The following CASK variants were observed in gnomAD, a reference collection of about 807,000 sequenced individuals.
CASK encodes peripheral plasma membrane protein CASK.
Under a neutral mutation model 82.9 loss-of-function variants are expected in CASK, and 4 were observed. That is an observed-to-expected ratio of 0.05 (90% confidence interval 0.02 to 0.11). CASK has a LOEUF of 0.11. Among genes scored for constraint, CASK ranks in the 10% least tolerant of loss-of-function variants. The probability of loss-of-function intolerance (pLI) is 1.00; values close to 1 mark genes in which losing one functional copy is unlikely to be tolerated. For missense variants in CASK, 358 were observed against 720.9 expected (o/e 0.50, Z 5.76); for synonymous variants, 259 against 253.5 (o/e 1.02, Z -0.20).
At chrX:41,573,744 T>C (rs1009885931) in intron 15 of CASK, among the ~76,000 whole-genome samples, 1 of 112,061 alleles carries the variant, frequency 8.9e-6, no homozygotes, top group Non-Finnish European at 1.9e-5. Flanking sequence ...ACATTGTGAA[T>C]TTGTTGCATA....
chrX:41,618,952 G>A (rs1276376310), intron 11 of CASK, among the ~76,000 whole-genome samples: 3 of 105,055 alleles, frequency 2.9e-5, no homozygotes, highest in Admixed American at 1.1e-4. Context: ...TCAGCCTCCC[G>A]AGTAGCTGGG....
chrX:41,744,338 T>C (rs1348096620), intron 4 of CASK, among the ~76,000 whole-genome samples: 1 of 109,337 alleles, frequency 9.1e-6, no homozygotes, highest in Non-Finnish European at 1.9e-5. Context: ...TGATTTTTCA[T>C]ATTTACTTCT....
rs190020806 is a variant in CASK, at chrX:41,672,886, C to T, written c.430-1356G>A. Among the ~76,000 whole-genome samples the T allele has an allele frequency of 1.2e-3, 135 of 112,131 alleles. 1 individual carries two copies. Among genetic ancestry groups the T allele is most frequent in the Middle Eastern group, 4.6e-3 (1 of 219 alleles). Reference sequence around the variant, plus strand: ...TATGGGAGAGCAGGCAAACCTCTACCGAAATCAACTGATAGACTGCTGTTA... The same window carrying T: ...TATGGGAGAGCAGGCAAACCTCTACTGAAATCAACTGATAGACTGCTGTTA... On this transcript the variant is annotated intron_variant, in intron 5 of 26. Coordinates refer to ENST00000378163, the MANE Select transcript of CASK (RefSeq NM_001367721.1).
chrX:41,727,043 C>A, intron 5 of CASK: 2 of 1,144,670 alleles, frequency 1.7e-6, no homozygotes, highest in Non-Finnish European at 2.4e-6. Flanking sequence ...AACAATACAA[C>A]ATGTATTCAA....
In CASK at chrX:41,660,690, A is replaced by G; in HGVS notation, c.709-129T>C. The G allele has an allele frequency of 7.6e-6, 5 of 657,983 alleles. No homozygotes were observed. In the South Asian group the frequency reaches 1.2e-4, roughly 16 times the overall value. 54.2% of individuals were successfully genotyped at this position (657,983 alleles called of 1,213,427 possible). ...GAGCAAAGAACAGAAATTTGATTCT[A>G]AAGGCTTGCATTCTAAGAAAAGGAC... On this transcript the variant is annotated intron_variant, in intron 7 of 26. Transcript: ENST00000378163.
chrX:41,743,833 G>C, intron 4 of CASK: 1 of 283,397 alleles, frequency 3.5e-6, no homozygotes, highest in South Asian at 2.3e-4. Flanking sequence ...GCTAGGAACA[G>C]TAGGTAGTTC....
rs377259353 is a variant in CASK at position 41,563,666 on chromosome X, T to G, written c.1583-2022A>C. The stretch of plus-strand genomic sequence containing the variant: ...AGATGAGAGAATACTATGAAGAAGC[T>G]CTCTGCAATATTTTAAAACTTATTT... On this transcript the variant is annotated intron_variant, in intron 16 of 26. Transcript: ENST00000378163. Among the ~76,000 whole-genome samples the G allele has an allele frequency of 9.1e-5, 10 of 110,284 alleles. No homozygotes were observed. In the East Asian group the frequency reaches 2.5e-3, roughly 28 times the overall value.
intron 3 of CASK, among the ~76,000 whole-genome samples, chrX:41,782,979 T>C (rs1215980736): frequency 9.0e-6 from 1 of 110,632 alleles, no homozygotes; most frequent in Non-Finnish European, 1.9e-5. Context: ...ACACCGTCTC[T>C]TCAAAAAATA....
At position 41,587,007 on chromosome X, in the gene CASK, T is replaced by A. The variant is rs377163161; in HGVS notation, c.1234-20A>T. The A allele has an allele frequency of 5.8e-6, 5 of 854,815 alleles. No individual in the cohort carries two copies. In the South Asian group the frequency reaches 1.1e-4, roughly 18 times the overall value. The allele number at this position is 854,815 out of a possible 1,213,427, so 70.4% of individuals were successfully genotyped here. A position where few individuals can be genotyped will look rare whatever the true frequency, so the allele number is the denominator to read the frequency against. On this transcript the variant is annotated intron_variant, in intron 13 of 26. Coordinates refer to ENST00000378163, the MANE Select transcript of CASK (RefSeq NM_001367721.1). ...CAATACCTAAAAAATAAACAAGATA[T>A]ACAATAATACAAACATGACACAAGA...
chrX:41,654,206 C>A (rs2066902066), intron 8 of CASK, among the ~76,000 whole-genome samples: 1 of 111,934 alleles, frequency 8.9e-6, no homozygotes, highest in Non-Finnish European at 1.9e-5. Flanking sequence ...TGGGGAAAGG[C>A]AGAGAGGAGA....
At chrX:41,659,318 C>T (rs1449513631) in intron 8 of CASK, among the ~76,000 whole-genome samples, 1 of 109,599 alleles carries the variant, frequency 9.1e-6, no homozygotes, top group African/African-American at 3.3e-5. Flanking sequence ...ACCTCTGCCT[C>T]CCGGGTTCAA....
chrX:41,611,968 C>A (rs1359885594), intron 11 of CASK, among the ~76,000 whole-genome samples: 5 of 112,023 alleles, frequency 4.5e-5, no homozygotes, highest in Non-Finnish European at 9.4e-5. Flanking sequence ...CCCGAGGTGC[C>A]GGGATTGCAG....
intron 2 of CASK, among the ~76,000 whole-genome samples, chrX:41,809,276 C>T (rs911718109): frequency 6.2e-5 from 7 of 112,134 alleles, no homozygotes; most frequent in Admixed American, 2.8e-4. Context: ...GATCTGAGAA[C>T]GGACAGACTG....
At chrX:41,887,231 G>A (rs1013433448) in intron 1 of CASK, among the ~76,000 whole-genome samples, 3 of 106,067 alleles carry the variant, frequency 2.8e-5, no homozygotes, top group Non-Finnish European at 3.9e-5. Flanking sequence ...CCCAAACTAA[G>A]TTTTCATAGG....
chrX:41,528,598 C>G (rs1353301478), intron 25 of CASK, among the ~76,000 whole-genome samples: 1 of 112,470 alleles, frequency 8.9e-6, no homozygotes, highest in African/African-American at 3.2e-5. Flanking sequence ...TCCTCACCAT[C>G]TTGTCTTCTG....
chrX:41,903,821 A>G (rs2072425108), intron 1 of CASK, among the ~76,000 whole-genome samples: 1 of 112,066 alleles, frequency 8.9e-6, no homozygotes, highest in South Asian at 3.7e-4. Context: ...GTAGCTACTG[A>G]GCAACTGAAA....
At chrX:41,583,472 T>C (rs2065611184) in intron 14 of CASK, among the ~76,000 whole-genome samples, 1 of 111,099 alleles carries the variant, frequency 9.0e-6, no homozygotes, top group African/African-American at 3.3e-5. Context: ...AGAGTCTCAC[T>C]CTCACCCAGG....
chrX:41,806,665 AC>A (rs1285200841), intron 2 of CASK, among the ~76,000 whole-genome samples: 1 of 112,083 alleles, frequency 8.9e-6, no homozygotes, highest in Non-Finnish European at 1.9e-5. Flanking sequence ...AGAAAAAAGG[AC>A]AATCTTAATA....
intron 1 of CASK, among the ~76,000 whole-genome samples, chrX:41,864,090 G>A (rs1443812335): frequency 2.7e-5 from 3 of 111,256 alleles, no homozygotes; most frequent in African/African-American, 6.5e-5. Flanking sequence ...GTGGAATACC[G>A]TTAATCTCTT....
Sources: allele counts gnomAD v4.1 joint callset (sites outside exome capture counted in the v4.1 genomes callset), GRCh38; gene constraint gnomAD v4.1.1; transcripts MANE v1.5; gene names NCBI Gene and HGNC (gene_info 2026-07-23, HGNC 2026-07-21).